Variants in KAT7 observed in about 807,000 individuals in gnomAD.
KAT7 encodes the protein histone acetyltransferase KAT7.
KAT7 carries 10 observed loss-of-function variants against 82.1 expected under a neutral mutation model. The ratio of observed to expected loss-of-function variants is 0.12; its 90% confidence interval spans 0.08 to 0.21. The LOEUF (loss-of-function observed/expected upper bound fraction) is 0.21, where lower values mean the gene tolerates loss of function less well. Ranked by LOEUF, KAT7 falls within the 10% of genes least tolerant of loss-of-function variation. The pLI, the probability that KAT7 is intolerant of heterozygous loss-of-function variation, is 1.00. For synonymous variants in KAT7, 250 were observed against 262.5 expected (o/e 0.95, Z 0.46); for missense variants, 378 against 760.9 (o/e 0.50, Z 5.92).
At chr17:49,807,648 T>G (rs532060755) in intron 5 of KAT7, among the ~76,000 whole-genome samples, 2 of 151,744 alleles carry the variant, frequency 1.3e-5, no homozygotes, top group Non-Finnish European at 2.9e-5. Flanking sequence ...GAGAATGGAG[T>G]GTGGGGGCAA....
chr17:49,804,238 G>C (rs975665593), intron 4 of KAT7, among the ~76,000 whole-genome samples: 1 of 152,100 alleles, frequency 6.6e-6, no homozygotes, highest in South Asian at 2.1e-4. Flanking sequence ...AATTAGCCGG[G>C]CGTGGCGGCA....
chr17:49,812,478 G>T (rs2074180104), intron 7 of KAT7, among the ~76,000 whole-genome samples: 1 of 151,878 alleles, frequency 6.6e-6, no homozygotes, highest in African/African-American at 2.4e-5. Flanking sequence ...GCCCACCTCG[G>T]CCTCCCAAAG....
chr17:49,804,656 C>G (rs1207925411), intron 4 of KAT7, among the ~76,000 whole-genome samples: 6 of 152,072 alleles, frequency 3.9e-5, no homozygotes. Flanking sequence ...GCCTGTAGTC[C>G]CAGCTACTTG....
At chr17:49,794,921 A>G (rs1364258016) in intron 2 of KAT7, among the ~76,000 whole-genome samples, 4 of 152,186 alleles carry the variant, frequency 2.6e-5, no homozygotes, top group African/African-American at 9.7e-5. Flanking sequence ...GTACAAATGG[A>G]TAACCTTGCT....
intron 9 of KAT7, among the ~76,000 whole-genome samples, chr17:49,818,224 C>T (rs1192610431): frequency 6.6e-6 from 1 of 152,076 alleles, no homozygotes; most frequent in Non-Finnish European, 1.5e-5. Context: ...AGCTGAGGGC[C>T]CTTACCCACA....
At chr17:49,798,017 A>G (rs1298929995) in intron 3 of KAT7, among the ~76,000 whole-genome samples, 2 of 152,264 alleles carry the variant, frequency 1.3e-5, no homozygotes, top group African/African-American at 4.8e-5. Context: ...GAAGTGGGAT[A>G]GTAATGTTTT....
intron 4 of KAT7, among the ~76,000 whole-genome samples, chr17:49,799,417 A>G (rs191547825): frequency 1.9e-4 from 29 of 152,218 alleles, no homozygotes; most frequent in Non-Finnish European, 2.4e-4. Context: ...GTCTTGCTCT[A>G]TTGCCCAGGC....
chr17:49,817,531 A>G (rs1041673131), intron 8 of KAT7, among the ~76,000 whole-genome samples: 4 of 152,188 alleles, frequency 2.6e-5, no homozygotes, highest in Non-Finnish European at 5.9e-5. Context: ...GGAGTGCAGT[A>G]GTGCGATCTC....
At chr17:49,812,183 T>C (rs2143930534) in intron 7 of KAT7, among the ~76,000 whole-genome samples, 1 of 151,942 alleles carries the variant, frequency 6.6e-6, no homozygotes, top group African/African-American at 2.4e-5. Context: ...TTTACATAAT[T>C]ACCTTCTTAC....
rs546164086 is a variant in KAT7, at chr17:49,802,920, C to T, written c.581-2443C>T. On this transcript the variant is annotated intron_variant, in intron 4 of 14. Coordinates refer to ENST00000259021, the MANE Select transcript of KAT7 (RefSeq NM_007067.5). The stretch of plus-strand genomic sequence containing the variant: ...ATTTTTCTTTTTGTAGAAATGGAGT[C>T]TCACTATGTATGTCACCCAGGCTGG... Among the ~76,000 whole-genome samples the T allele has an allele frequency of 2.6e-5, 4 of 151,680 alleles. No individual in the cohort carries two copies. In the East Asian group the frequency reaches 7.8e-4, roughly 30 times the overall value.
In KAT7 at chr17:49,810,715, T is replaced by C. The variant is rs2074151704; in HGVS notation, c.754-761T>C. Among the ~76,000 whole-genome samples the C allele has an allele frequency of 2.0e-5, 3 of 152,354 alleles. No individual in the cohort carries two copies. In the South Asian group the frequency reaches 6.2e-4, roughly 32 times the overall value. On this transcript the variant is annotated intron_variant, in intron 6 of 14. Transcript: ENST00000259021. ...CTTAATTTTATTCTTGTTGCTTTGGTGGAGACGTCTATCCTTAGTTTATGT... is the reference window on the plus strand; with the variant it reads ...CTTAATTTTATTCTTGTTGCTTTGGCGGAGACGTCTATCCTTAGTTTATGT...
intron 4 of KAT7, among the ~76,000 whole-genome samples, chr17:49,803,936 T>C (rs1025355261): frequency 6.6e-6 from 1 of 151,770 alleles, no homozygotes; most frequent in African/African-American, 2.4e-5. Flanking sequence ...GTAGACTTGC[T>C]ATTCAGGTTA....
At chr17:49,818,631 G>A (rs879734389) in intron 9 of KAT7, among the ~76,000 whole-genome samples, 6 of 152,058 alleles carry the variant, frequency 3.9e-5, no homozygotes, top group Admixed American at 6.5e-5. Context: ...TTTTTCCCCC[G>A]CTCTGTTACA....
intron 7 of KAT7, 185 bp from the exon 8 acceptor site, chr17:49,815,618 T>C: frequency 2.2e-6 from 1 of 449,528 alleles, no homozygotes; most frequent in Non-Finnish European, 3.9e-6. Flanking sequence ...CTGGGGTGGG[T>C]AGTGGGAGTC....
intron 8 of KAT7, 105 bp from the exon 9 acceptor site, chr17:49,817,715 C>T: frequency 2.3e-6 from 2 of 852,264 alleles, no homozygotes; most frequent in Non-Finnish European, 1.8e-6. Flanking sequence ...GACCTGCCTG[C>T]CTCAGCCTCC....
intron 2 of KAT7, chr17:49,795,592 A>G (rs944417165): frequency 3.3e-5 from 8 of 240,920 alleles, no homozygotes; most frequent in African/African-American, 1.8e-4. Context: ...GGCTTATTCA[A>G]ACCTACCGAG....
At chr17:49,797,132 T>C (rs565913463) in intron 3 of KAT7, among the ~76,000 whole-genome samples, 84 of 152,036 alleles carry the variant, frequency 5.5e-4, no homozygotes, top group African/African-American at 2.0e-3. Context: ...GGTGCAATCT[T>C]GGCTCACTGC....
chr17:49,809,393 A>G (rs373134718), intron 6 of KAT7, among the ~76,000 whole-genome samples, 185 bp downstream of exon 6: 1 of 152,216 alleles, frequency 6.6e-6, no homozygotes, highest in East Asian at 1.9e-4. Flanking sequence ...TACCTCATGA[A>G]TGAAGGAATC....
At chr17:49,819,529 A>T (rs1440556345) in intron 9 of KAT7, among the ~76,000 whole-genome samples, 4 of 152,214 alleles carry the variant, frequency 2.6e-5, no homozygotes, top group Admixed American at 2.6e-4. Flanking sequence ...AGTGACACAA[A>T]CCAATGAAAT....
Sources: gnomAD v4.1 joint callset for allele counts (sites outside exome capture counted in the v4.1 genomes callset) on GRCh38, gnomAD v4.1.1 for gene constraint, MANE v1.5 for transcripts, NCBI Gene and HGNC (gene_info 2026-07-23, HGNC 2026-07-21) for gene names.